DNAH9: variants seen among roughly 807,000 people sequenced by gnomAD.
DNAH9 encodes the protein DNAH9 variant protein.
Under a neutral mutation model 471.6 loss-of-function variants are expected in DNAH9, and 345 were observed. The observed-to-expected ratio is 0.73, with a 90% confidence interval of 0.67 to 0.80. The LOEUF (loss-of-function observed/expected upper bound fraction) is 0.80, where lower values mean the gene tolerates loss of function less well. Ranked by LOEUF, DNAH9 falls within the 30% of genes least tolerant of loss-of-function variation. DNAH9 has a pLI of 0.00. For synonymous variants in DNAH9, 2,093 were observed against 2,123.6 expected, an observed-to-expected ratio of 0.99 and a Z score of 0.40; for missense variants, 5,407 against 5,609.2, an observed-to-expected ratio of 0.96 and a Z score of 1.15.
intron 66 of DNAH9, among the ~76,000 whole-genome samples, chr17:11,938,431 C>T (rs1015853949): frequency 8.1e-5 from 12 of 147,786 alleles, no homozygotes; most frequent in Non-Finnish European, 1.8e-4. Flanking sequence ...TGCACTCCAG[C>T]CTGGTGACAG....
chr17:11,943,780 T>A (rs1387474613), intron 67 of DNAH9, among the ~76,000 whole-genome samples: 1 of 152,240 alleles, frequency 6.6e-6, no homozygotes, highest in East Asian at 1.9e-4. Flanking sequence ...TAGAAGGAAA[T>A]AAGGAAGGAG....
At chr17:11,611,118 C>A (rs942167113) in intron 3 of DNAH9, among the ~76,000 whole-genome samples, 1 of 152,150 alleles carries the variant, frequency 6.6e-6, no homozygotes, top group South Asian at 2.1e-4. Flanking sequence ...AATTTATTAT[C>A]GTGCTGATAA....
At position 11,769,345 on chromosome 17, in the gene DNAH9, C is replaced by A. The variant is rs1183152582; in HGVS notation, c.7552+16C>A. 1.3e-6 allele frequency: 2 copies of A among 1,593,728 alleles called. No individual in the cohort carries two copies. The highest frequency in any genetic ancestry group is 1.7e-6 in the Non-Finnish European group (2 of 1,169,170). ...ATGCTGCAGGGTAAGCAGCCCAGGG[C>A]ACCTGGGGTGGGGGGCATCTGGGTG... On this transcript the variant is annotated intron_variant, in intron 38 of 68. Coordinates refer to ENST00000262442, the MANE Select transcript of DNAH9 (RefSeq NM_001372.4).
At chr17:11,714,052 G>C (rs2150793303) in intron 26 of DNAH9, among the ~76,000 whole-genome samples, 1 of 152,330 alleles carries the variant, frequency 6.6e-6, no homozygotes, top group South Asian at 2.1e-4. Flanking sequence ...ATAAGGAACA[G>C]ATCCTAGAAT....
At chr17:11,769,092 C>G (rs531270609) in intron 37 of DNAH9, 30 bp from the exon 38 acceptor site, 2 of 1,611,824 alleles carry the variant, frequency 1.2e-6, no homozygotes, top group East Asian at 2.2e-5. Context: ...AGAGCCCACC[C>G]TTGGCAGGCT....
chr17:11,911,407 A>G (rs1005681790), intron 61 of DNAH9, among the ~76,000 whole-genome samples: 8 of 152,224 alleles, frequency 5.3e-5, no homozygotes, highest in Non-Finnish European at 7.3e-5. Flanking sequence ...CTGTATGCCA[A>G]ATAACAGTCT....
rs187320564 is a variant in DNAH9 at position 11,643,264 on chromosome 17, T to C, written c.1902-1367T>C. 9.2e-5 allele frequency among the ~76,000 whole-genome samples: 14 copies of C among 152,354 alleles called. 1 individual carries two copies. On this transcript the variant is annotated intron_variant, in intron 10 of 68. Transcript: ENST00000262442. ...CCATTTGTGTGTGCACACTTGTGTT[T>C]ACACATGTTATATGTACGTCCATGT... is the stretch of plus-strand genomic sequence containing the variant.
rs143953217 is a variant in DNAH9, at chr17:11,937,357, C to T, written c.12495C>T (p.Ile4165=). The T allele has an allele frequency of 1.0e-5, 16 of 1,603,564 alleles. No individual in the cohort carries two copies. The African/African-American group carries it at 1.2e-4, about 12-fold the overall frequency. ...AGCTTGCCCTTGATTTTCAGTACAT[C>T]GATGCTGAGCTGCCCCCAGAATCCC... ...NMDYNGYHQY[I]DAELPPESPY... Residue 4165 remains isoleucine (I), a synonymous_variant, in exon 66 of 69, where the codon ATC becomes ATT. Transcript: ENST00000262442. The surrounding 1 kb of genome is among the most constrained non-coding windows in gnomAD (Gnocchi z 4.1).
chr17:11,611,711 A>G lies in DNAH9; in HGVS notation c.835A>G (p.Lys279Glu). The G allele has an allele frequency of 1.9e-6, 3 of 1,614,022 alleles. No individual in the cohort carries two copies. The highest frequency in any genetic ancestry group is 1.7e-6 in the Non-Finnish European group (2 of 1,179,832). The change falls in exon 4 of 69, where the codon AAG (lysine) becomes GAG (glutamate). Residue 279 changes from lysine to glutamate, a missense_variant. Transcript: ENST00000262442. ...LRTITVRGMA[K>E]LLDKLQSSYF... ...AACAATAACGGTGAGGGGCATGGCC[A>G]AGCTCCTGGACAAGCTTCAGAGTAG...
intron 48 of DNAH9, among the ~76,000 whole-genome samples, chr17:11,828,750 G>C (rs1223939718): frequency 6.6e-6 from 1 of 152,016 alleles, no homozygotes; most frequent in Non-Finnish European, 1.5e-5. Flanking sequence ...TCACTTCCGA[G>C]ACCTGAACAA....
intron 32 of DNAH9, among the ~76,000 whole-genome samples, chr17:11,749,086 GT>G (rs1357238487): frequency 6.8e-4 from 14 of 20,538 alleles, no homozygotes; most frequent in Non-Finnish European, 6.5e-4. Context: ...TTTTTTTTTT[GT>G]TTTTTTTTTT....
intron 9 of DNAH9, among the ~76,000 whole-genome samples, chr17:11,638,244 T>C (rs1381408985): frequency 6.6e-6 from 1 of 152,198 alleles, no homozygotes; most frequent in Non-Finnish European, 1.5e-5. Flanking sequence ...GAAAATCCGT[T>C]GGCCAAGCTT....
intron 1 of DNAH9, among the ~76,000 whole-genome samples, chr17:11,606,709 A>T (rs116260453): frequency 0.015 from 2,247 of 151,946 alleles, 53 homozygotes; most frequent in African/African-American, 0.051. Flanking sequence ...CGGTATACTG[A>T]CAAGTTTCTA....
At chr17:11,687,099 G>A (rs1420155088) in intron 19 of DNAH9, among the ~76,000 whole-genome samples, 1 of 152,030 alleles carries the variant, frequency 6.6e-6, no homozygotes, top group East Asian at 1.9e-4. Context: ...TCCTCATAAG[G>A]GAGAAAGCTC....
chr17:11,616,465 AAT>A (rs1379628533), intron 4 of DNAH9, among the ~76,000 whole-genome samples: 1 of 152,192 alleles, frequency 6.6e-6, no homozygotes, highest in African/African-American at 2.4e-5. Context: ...TAGTTTGTCC[AAT>A]GCCCTTTTGC....
At chr17:11,733,876 A>AAAAAAAC (rs1480994426) in intron 28 of DNAH9, among the ~76,000 whole-genome samples, 22 of 151,438 alleles carry the variant, frequency 1.5e-4, no homozygotes, top group African/African-American at 4.9e-4. Context: ...AAAAAAAAAA[A>AAAAAAAC]AAAGTAAAAC....
chr17:11,653,040 T>C (rs750584978), intron 14 of DNAH9, 38 bp downstream of exon 14: 1 of 1,603,136 alleles, frequency 6.2e-7, no homozygotes, highest in Admixed American at 1.7e-5. Context: ...TACTACGAGT[T>C]TAGGGAAAGC....
intron 27 of DNAH9, among the ~76,000 whole-genome samples, chr17:11,723,741 C>T (rs527793698): frequency 2.0e-5 from 3 of 151,926 alleles, no homozygotes; most frequent in African/African-American, 7.3e-5. Flanking sequence ...GATCTCAGCT[C>T]ACTGCAAGCT....
In DNAH9 at chr17:11,834,798, T is replaced by G. The variant is rs767086080; in HGVS notation, c.9407T>G (p.Met3136Arg). The G allele has an allele frequency of 6.2e-7, 1 of 1,614,084 alleles. No individual in the cohort carries two copies. Among genetic ancestry groups the G allele is most frequent in the South Asian group, 1.1e-5 (1 of 91,066 alleles). ...GAGGAGCAGAAGGTGGCCGTCATCA[T>G]GCTAGAGGTGAAACAGAAGCAGAAG... ...DEEEQKVAVI[M>R]LEVKQKQKDC... Residue 3136 changes from methionine to arginine, a missense_variant, in exon 49 of 69, where the codon ATG (methionine) becomes AGG (arginine). Met to Arg is a moderately conservative substitution (Grantham distance 91, BLOSUM62 -1). Around this residue, in one of 3 missense-constraint regions of DNAH9, gnomAD observed 4,636 missense variants for 4,900.3 expected, o/e 0.95. Coordinates refer to ENST00000262442, the MANE Select transcript of DNAH9 (RefSeq NM_001372.4).
Sources: gnomAD v4.1 joint callset for allele counts (sites outside exome capture counted in the v4.1 genomes callset) on GRCh38, gnomAD v4.1.1 for gene constraint, gnomAD v4.1.1 regional missense constraint, Gnocchi (gnomAD v3.1) non-coding constraint, MANE v1.5 for transcripts, NCBI Gene and HGNC (gene_info 2026-07-23, HGNC 2026-07-21) for gene names.